Variants in ODAD1 observed in about 807,000 individuals in gnomAD.
The protein encoded by ODAD1 is outer dynein arm docking complex subunit 1, also known as outer dynein arm-docking complex subunit 1.
In ODAD1, 49 loss-of-function variants were observed where a neutral mutation model predicts 67.2. The ratio of observed to expected loss-of-function variants is 0.73; its 90% CI spans 0.58 to 0.92. The LOEUF is 0.92. ODAD1 is among the 40% of genes least tolerant of loss of function. The pLI is 0.00. For missense variants in ODAD1, 897 were observed against 953.7 expected (o/e 0.94, Z 0.78); for synonymous variants, 345 against 393.7 (o/e 0.88, Z 1.46).
intron 7 of ODAD1, among the ~76,000 whole-genome samples, chr19:48,309,720 G>A (rs533452242): frequency 6.6e-6 from 1 of 152,304 alleles, no homozygotes; most frequent in South Asian, 2.1e-4. Context: ...TGTGTCAGGG[G>A]ACAAGATATT....
Position 48,320,313 on chromosome 19 carries a change from A to G in ODAD1, c.56T>C (p.Phe19Ser). ...SARSEEGSEA[F>S]LEGMVDWELS... Reference sequence around the variant, plus strand: ...GAATGAATTACCCATTCCCTCCAGAAATGCCTCGCTTCCCTCCTCGGAGCG... The same window carrying G: ...GAATGAATTACCCATTCCCTCCAGAGATGCCTCGCTTCCCTCCTCGGAGCG... Residue 19 changes from phenylalanine (F) to serine (S), a missense_variant, in exon 3 of 16, where the codon TTT becomes TCT. Coordinates refer to ENST00000674294, the MANE Select transcript of ODAD1 (RefSeq NM_001364171.2). The G allele has an allele frequency of 7.8e-7, 1 of 1,288,506 alleles. No homozygotes were observed. The highest frequency in any genetic ancestry group is 1.0e-6 in the Non-Finnish European group (1 of 987,852). The allele number at this position is 1,288,506 out of a possible 1,614,324, so 79.8% of individuals were successfully genotyped here.
chr19:48,306,327 TG>T lies in ODAD1; in HGVS notation c.598-5del. On this transcript the variant is annotated splice_region_variant and splice_polypyrimidine_tract_variant and intron_variant, in intron 7 of 15. Coordinates refer to ENST00000674294, the MANE Select transcript of ODAD1 (RefSeq NM_001364171.2). ...GGTGATGCAGGTGGTGGATCTCCTG[TG>T]GGGGGAGGAGAAAAAAATCAGTGCC... 1 of 1,550,866 alleles carries T rather than the reference TG, an allele frequency of 6.4e-7. No homozygotes were observed. The highest frequency in any genetic ancestry group is 1.4e-5 in the African/African-American group (1 of 73,028).
chr19:48,302,043 T>C (rs1213600331), intron 12 of ODAD1, among the ~76,000 whole-genome samples: 1 of 145,456 alleles, frequency 6.9e-6, no homozygotes, highest in Non-Finnish European at 1.5e-5. Flanking sequence ...GAATGATGGA[T>C]ACAGGACAGT....
At chr19:48,301,731 C>T (rs1259642369) in intron 12 of ODAD1, among the ~76,000 whole-genome samples, 1 of 150,864 alleles carries the variant, frequency 6.6e-6, no homozygotes, top group Non-Finnish European at 1.5e-5. Context: ...GGGATAGACC[C>T]TGGATGGATG....
intron 14 of ODAD1, 86 bp downstream of exon 14, chr19:48,297,914 G>A: frequency 2.7e-6 from 3 of 1,116,824 alleles, no homozygotes; most frequent in South Asian, 2.9e-5. Flanking sequence ...GTCCCCAAAA[G>A]CCCCCCAAAA....
rs76390522 is a variant in ODAD1 at position 48,311,480 on chromosome 19, G to A, written c.597+73C>T. ...ACTTGAGGCCTGAGTGCTAGAGCAG[G>A]AAGGGCAAACAGCTGTGGGGAGGAC... On this transcript the variant is annotated intron_variant, in intron 7 of 15. Coordinates refer to ENST00000674294, the MANE Select transcript of ODAD1 (RefSeq NM_001364171.2). 0.063 allele frequency: 53,540 copies of A among 852,082 alleles called. 2,771 individuals are homozygous for A. The highest frequency in any genetic ancestry group is 0.19 in the East Asian group (7,135 of 37,508). The allele number at this position is 852,082 out of a possible 1,614,324, so 52.8% of individuals were successfully genotyped here.
At chr19:48,310,915 T>TA (rs774945356) in intron 7 of ODAD1, among the ~76,000 whole-genome samples, 6,142 of 140,392 alleles carry the variant, frequency 0.044, 160 homozygotes, top group African/African-American at 0.071. Context: ...TGTCCCTACT[T>TA]AAAAAAAAAA....
In ODAD1 at chr19:48,298,178, TG is replaced by T; in HGVS notation, c.1402del (p.Gln468ArgfsTer12). 6.2e-7 allele frequency: 1 copy of T among 1,612,042 alleles called. No individual in the cohort carries two copies. On this transcript the variant is annotated frameshift_variant and splice_region_variant, in exon 13 of 16. Coordinates refer to ENST00000674294, the MANE Select transcript of ODAD1 (RefSeq NM_001364171.2). LOFTEE classifies it high-confidence loss of function. ...TCCCGGCTCCCTGCCGTCTCCCACC[TG>T]GGCATGTAGGAAGGCCTGCACTGTC... ...LLTVQAFLHAQSFTSLADAAL... is the reference protein window; with the variant it reads ...LLTVQAFLHAXSFTSLADAAL...
intron 8 of ODAD1, among the ~76,000 whole-genome samples, chr19:48,305,579 T>C (rs1320667262): frequency 6.6e-6 from 1 of 151,958 alleles, no homozygotes; most frequent in Non-Finnish European, 1.5e-5. Context: ...TAAGTTTTTA[T>C]ATTTTTGGTA....
chr19:48,311,720 T>C, intron 6 of ODAD1, 54 bp from the exon 7 acceptor site: 1 of 1,072,610 alleles, frequency 9.3e-7, no homozygotes, highest in Non-Finnish European at 1.4e-6. Flanking sequence ...TCTGCCTGCC[T>C]CCTCCAAGCT....
At chr19:48,297,719 G>A in intron 14 of ODAD1, 51 bp from the exon 15 acceptor site, 1 of 1,362,120 alleles carries the variant, frequency 7.3e-7, no homozygotes, top group African/African-American at 1.5e-5. Context: ...CCCTCAAAAA[G>A]GCCAGCGGCC....
At chr19:48,320,954 A>T (rs562065440) in intron 1 of ODAD1, 143 bp from the exon 2 acceptor site, 1 of 153,090 alleles carries the variant, frequency 6.5e-6, no homozygotes, top group East Asian at 1.9e-4. Flanking sequence ...CTGATGGGCA[A>T]GGCCAGGCGC....
intron 5 of ODAD1, among the ~76,000 whole-genome samples, chr19:48,313,446 ACC>A (rs372017023): frequency 0.088 from 7,047 of 80,130 alleles, 721 homozygotes; most frequent in African/African-American, 0.19. Context: ...AAAAAAAAAA[ACC>A]AAAAAAAAAC....
At chr19:48,305,755 A>G (rs1359523264) in intron 8 of ODAD1, among the ~76,000 whole-genome samples, 1 of 151,810 alleles carries the variant, frequency 6.6e-6, no homozygotes, top group African/African-American at 2.4e-5. Context: ...GTTAATTTAC[A>G]TGCCCAAGAA....
At chr19:48,303,898 G>T in intron 9 of ODAD1, 55 bp downstream of exon 9, 13 of 1,591,056 alleles carry the variant, frequency 8.2e-6, no homozygotes, top group Non-Finnish European at 1.1e-5. Context: ...TGTGCTGCAG[G>T]TGCCCCAGGG....
rs1052427214 is a variant in ODAD1, at chr19:48,302,695, A to G, written c.1239T>C (p.Ala413=). The G allele has an allele frequency of 3.1e-6, 5 of 1,608,656 alleles. No individual in the cohort carries two copies. The African/African-American group carries it at 6.7e-5, about 21-fold the overall frequency. Residue 413 remains alanine (A), a splice_region_variant and synonymous_variant, in exon 12 of 16, where the codon GCT becomes GCC. Transcript: ENST00000674294. The part of the protein sequence containing the change: ...DVRGQLEKLK[A]DIQLLFTKAH... ...GAGGGGGCGCCCATGGGTGCTCACC[A>G]GCCTTGAGCTTCTCCAGCTGTCCCC...
Position 48,302,636 on chromosome 19 carries a change from A to C in ODAD1, c.1240+58T>G. On this transcript the variant is annotated intron_variant, in intron 12 of 15. Coordinates refer to ENST00000674294, the MANE Select transcript of ODAD1 (RefSeq NM_001364171.2). ...CAATGCCTCCAAGCCCCGCGGGCTG[A>C]TGGTGTCCTTCCAAGTGGAGAAGCC... 3 of 1,477,630 alleles carry C rather than the reference A, an allele frequency of 2.0e-6. 1 individual carries two copies. The Middle Eastern group carries it at 6.0e-4, about 296-fold the overall frequency. 91.5% of individuals were successfully genotyped at this position (1,477,630 alleles called of 1,614,324 possible). A position where few individuals can be genotyped will look rare whatever the true frequency, so the allele number is the denominator to read the frequency against.
intron 12 of ODAD1, among the ~76,000 whole-genome samples, chr19:48,298,630 A>C (rs1326182385): frequency 2.0e-5 from 3 of 152,122 alleles, no homozygotes; most frequent in African/African-American, 7.2e-5. Flanking sequence ...GGCAGTGGTG[A>C]GGGGCCTGCA....
At position 48,312,074 on chromosome 19, in the gene ODAD1, C is replaced by T; in HGVS notation, c.403G>A (p.Val135Ile). ...ETRIFTHSKN[V>I]RSPGFILDQK... is the part of the protein sequence containing the mutation. ...TCCAGGATGAATCCCGGGGACCTGA[C>T]ATTCTTACTGTGGGTAAAGATCCGC... Residue 135 changes from valine to isoleucine, a missense_variant, in exon 6 of 16, where the codon GTC (valine) becomes ATC (isoleucine). Coordinates refer to ENST00000674294, the MANE Select transcript of ODAD1 (RefSeq NM_001364171.2). 1 of 1,550,296 alleles carries T rather than the reference C, an allele frequency of 6.5e-7. No homozygotes were observed. The highest frequency in any genetic ancestry group is 8.7e-7 in the Non-Finnish European group (1 of 1,145,358).
Sources: allele counts gnomAD v4.1 joint callset (sites outside exome capture counted in the v4.1 genomes callset), GRCh38; gene constraint gnomAD v4.1.1; transcripts MANE v1.5; gene names NCBI Gene and HGNC (gene_info 2026-07-23, HGNC 2026-07-21).